Variants in NALF1 observed in about 807,000 individuals in gnomAD.
The protein encoded by NALF1 is family with sequence similarity 155 member A.
NALF1 carries 3 observed loss-of-function variants against 48.4 expected under a neutral mutation model. The observed-to-expected ratio is 0.06, with a 90% CI of 0.03 to 0.16. NALF1 has a LOEUF of 0.16. Among genes scored for constraint, NALF1 ranks in the 10% least tolerant of loss-of-function variants. NALF1 has a pLI of 1.00. For missense variants in NALF1, 526 were observed against 571.5 expected (o/e 0.92, Z 0.81); for synonymous variants, 262 against 245.7 (o/e 1.07, Z -0.62).
intron 1 of NALF1, among the ~76,000 whole-genome samples, chr13:107,393,901 C>A (rs1883668147): frequency 6.6e-6 from 1 of 151,978 alleles, no homozygotes; most frequent in South Asian, 2.1e-4. Context: ...TGTTGAGTAT[C>A]ACAAATGAGA....
intron 1 of NALF1, among the ~76,000 whole-genome samples, chr13:107,267,894 G>C (rs560613544): frequency 2.0e-5 from 3 of 152,130 alleles, no homozygotes; most frequent in South Asian, 2.1e-4. Context: ...TTCACGTCTC[G>C]GGCAGGACAG....
At chr13:107,793,942 C>CT (rs1012163882) in intron 1 of NALF1, among the ~76,000 whole-genome samples, 3 of 151,986 alleles carry the variant, frequency 2.0e-5, no homozygotes, top group Non-Finnish European at 1.5e-5. Flanking sequence ...CTTATTCACT[C>CT]TTATTTCAGA....
intron 1 of NALF1, among the ~76,000 whole-genome samples, chr13:107,626,377 T>C (rs1348824782): frequency 6.6e-6 from 1 of 151,790 alleles, no homozygotes; most frequent in Non-Finnish European, 1.5e-5. Context: ...AAACTAGCAA[T>C]AGAACTACCA....
intron 1 of NALF1, among the ~76,000 whole-genome samples, chr13:107,640,970 T>A (rs9520534): frequency 4.6e-5 from 7 of 152,062 alleles, no homozygotes; most frequent in Admixed American, 3.9e-4. Context: ...ATGTCAGAGA[T>A]GTCTGCACTC....
chr13:107,604,675 A>G (rs1431468548), intron 1 of NALF1, among the ~76,000 whole-genome samples: 2 of 152,170 alleles, frequency 1.3e-5, no homozygotes, highest in Non-Finnish European at 2.9e-5. Context: ...ATATTCCATA[A>G]TGTCTTTATT....
At chr13:107,554,384 A>G (rs2138387033) in intron 1 of NALF1, among the ~76,000 whole-genome samples, 1 of 152,320 alleles carries the variant, frequency 6.6e-6, no homozygotes, top group Non-Finnish European at 1.5e-5. Flanking sequence ...GTGAGGCCTG[A>G]GTCAGAGAAT....
chr13:107,376,154 A>T (rs1883333388), intron 1 of NALF1, among the ~76,000 whole-genome samples: 1 of 152,162 alleles, frequency 6.6e-6, no homozygotes, highest in South Asian at 2.1e-4. Flanking sequence ...CCTGCCAACA[A>T]CATCAGAACT....
At chr13:107,196,243 C>A (rs1301006459) in intron 2 of NALF1, among the ~76,000 whole-genome samples, 4 of 152,022 alleles carry the variant, frequency 2.6e-5, no homozygotes, top group African/African-American at 9.7e-5. Context: ...TACAAGAAAC[C>A]CCCATGACAT....
At chr13:107,204,182 C>T (rs1879585899) in intron 2 of NALF1, among the ~76,000 whole-genome samples, 1 of 152,202 alleles carries the variant, frequency 6.6e-6, no homozygotes, top group Admixed American at 6.5e-5. Context: ...CGCCCACAAG[C>T]TCTCCCTGCT....
intron 1 of NALF1, among the ~76,000 whole-genome samples, chr13:107,291,659 C>A (rs191703503): frequency 1.4e-4 from 21 of 152,038 alleles, no homozygotes; most frequent in African/African-American, 4.6e-4. Context: ...ATAAAAACTC[C>A]CCTCTGATAT....
intron 1 of NALF1, among the ~76,000 whole-genome samples, chr13:107,720,717 A>T (rs1875958447): frequency 6.6e-6 from 1 of 152,128 alleles, no homozygotes; most frequent in South Asian, 2.1e-4. Context: ...TTTCACAAGC[A>T]TTACCCAACT....
intron 1 of NALF1, among the ~76,000 whole-genome samples, chr13:107,590,786 G>A (rs1349285193): frequency 1.3e-5 from 2 of 151,940 alleles, no homozygotes; most frequent in Non-Finnish European, 1.5e-5. Context: ...AGTGGTAACT[G>A]AGAAGAGGCC....
intron 1 of NALF1, among the ~76,000 whole-genome samples, chr13:107,249,125 TCTA>T (rs1880642956): frequency 6.6e-6 from 1 of 152,104 alleles, no homozygotes; most frequent in South Asian, 2.1e-4. Context: ...GAGGAAGATT[TCTA>T]CTACATTTAA....
chr13:107,473,450 C>T (rs1039076198), intron 1 of NALF1, among the ~76,000 whole-genome samples: 1 of 152,218 alleles, frequency 6.6e-6, no homozygotes, highest in South Asian at 2.1e-4. Context: ...TAAAATAAAA[C>T]GCAAGGTCAG....
chr13:107,191,781 C>A (rs1038007911), intron 2 of NALF1, among the ~76,000 whole-genome samples: 4 of 150,382 alleles, frequency 2.7e-5, no homozygotes, highest in African/African-American at 7.4e-5. Flanking sequence ...AGGCAATTCT[C>A]TTGCCTCAGC....
At chr13:107,655,487 A>T (rs1235437143) in intron 1 of NALF1, among the ~76,000 whole-genome samples, 1 of 152,100 alleles carries the variant, frequency 6.6e-6, no homozygotes, top group African/African-American at 2.4e-5. Context: ...AAACTACAAA[A>T]CACTGCTGAA....
intron 1 of NALF1, among the ~76,000 whole-genome samples, chr13:107,777,075 G>T (rs1877754571): frequency 6.6e-6 from 1 of 152,108 alleles, no homozygotes; most frequent in Non-Finnish European, 1.5e-5. Flanking sequence ...CTGGGTGATG[G>T]AGCAAGAACC....
chr13:107,749,422 G>T (rs573408999), intron 1 of NALF1, among the ~76,000 whole-genome samples: 2 of 151,924 alleles, frequency 1.3e-5, no homozygotes, highest in African/African-American at 2.4e-5. Flanking sequence ...ACATAGGCAG[G>T]TTTAAATGTT....
At position 107,170,408 on chromosome 13, in the gene NALF1, G is replaced by T; in HGVS notation, c.*89C>A. 7.2e-7 allele frequency: 1 copy of T among 1,380,202 alleles called. No homozygotes were observed. The highest frequency in any genetic ancestry group is 9.9e-7 in the Non-Finnish European group (1 of 1,013,938). The allele number at this position is 1,380,202 out of a possible 1,614,324, so 85.5% of individuals were successfully genotyped here. A position where few individuals can be genotyped will look rare whatever the true frequency, so the allele number is the denominator to read the frequency against. On this transcript the variant is annotated 3_prime_UTR_variant, in exon 3 of 3. Coordinates refer to ENST00000375915, the MANE Select transcript of NALF1 (RefSeq NM_001080396.3). ...AGGCCTTGCAATAAGTAATTCGAGG[G>T]TAAAAGCACCCAGTTTCTGTTACAT...
Sources: gnomAD v4.1 joint callset for allele counts (sites outside exome capture counted in the v4.1 genomes callset) on GRCh38, gnomAD v4.1.1 for gene constraint, MANE v1.5 for transcripts, NCBI Gene and HGNC (gene_info 2026-07-23, HGNC 2026-07-21) for gene names.